KCNQ5: variants seen among roughly 807,000 people sequenced by gnomAD.
KCNQ5 encodes potassium voltage-gated channel subfamily KQT member 5.
In KCNQ5, 30 loss-of-function variants were observed where a neutral mutation model predicts 98.2. The observed-to-expected ratio is 0.31, with a 90% CI of 0.23 to 0.41. KCNQ5 has a LOEUF of 0.41. Among genes scored for constraint, KCNQ5 ranks in the 10% least tolerant of loss-of-function variants. The pLI, the probability that KCNQ5 is intolerant of heterozygous loss-of-function variation, is 1.00. For missense variants in KCNQ5, 835 were observed against 1,182.5 expected (o/e 0.71, Z 4.31); for synonymous variants, 458 against 449.4 (o/e 1.02, Z -0.24).
intron 1 of KCNQ5, among the ~76,000 whole-genome samples, chr6:72,758,500 G>A (rs1469087870): frequency 6.6e-6 from 1 of 152,096 alleles, no homozygotes; most frequent in Non-Finnish European, 1.5e-5. Flanking sequence ...AGAAGTGGGG[G>A]ATCAGGAGTA....
chr6:72,700,296 T>C (rs1340513694), intron 1 of KCNQ5, among the ~76,000 whole-genome samples: 2 of 84,770 alleles, frequency 2.4e-5, no homozygotes, highest in Non-Finnish European at 5.0e-5. Flanking sequence ...TATCTATATC[T>C]ATCTATCTAT....
chr6:72,847,808 A>G (rs2150139256), intron 1 of KCNQ5, among the ~76,000 whole-genome samples: 1 of 152,344 alleles, frequency 6.6e-6, no homozygotes, highest in South Asian at 2.1e-4. Context: ...GAAAGCTTCT[A>G]TCCTCTGCAC....
At chr6:73,158,253 G>GTTTTTTTTTTTGTTGTTTTTTTTTT (rs1562211876) in intron 10 of KCNQ5, 1 of 157,256 alleles carries the variant, frequency 6.4e-6, no homozygotes, top group Non-Finnish European at 1.4e-5. Context: ...AATTTTGGAA[G>GTTTTTTTTTTTGTTGTTTTTTTTTT]ATTTTTTTTT....
In KCNQ5 at chr6:72,682,052, A is replaced by G. The variant is rs113658733; in HGVS notation, c.398+59465A>G. ...GGTCCCAGCTTTCAAGTATGTGGAG[A>G]AAAGAGCCTCAGTAGAGTTATCTCT... On this transcript the variant is annotated intron_variant, in intron 1 of 13. Coordinates refer to ENST00000370398, the MANE Select transcript of KCNQ5 (RefSeq NM_019842.4). Among the ~76,000 whole-genome samples, 243 of 152,302 alleles carry G rather than the reference A, an allele frequency of 1.6e-3. 1 individual carries two copies. Among genetic ancestry groups the G allele is most frequent in the African/African-American group, 5.5e-3 (228 of 41,564 alleles).
chr6:73,172,293 G>A (rs1401836098), intron 11 of KCNQ5, among the ~76,000 whole-genome samples: 3 of 152,064 alleles, frequency 2.0e-5, no homozygotes, highest in Non-Finnish European at 4.4e-5. Context: ...AACCCAGGAG[G>A]CAGATGCTGC....
rs146570848 is a variant in KCNQ5 at position 72,631,815 on chromosome 6, GAGA to G, written c.398+9234_398+9236del. ...AAAATCAAGAGAGAATAAAGTTATA[GAGA>G]AGAAGTTTTTTTATCACAAATAATA... On this transcript the variant is annotated intron_variant, in intron 1 of 13. Coordinates refer to ENST00000370398, the MANE Select transcript of KCNQ5 (RefSeq NM_019842.4). 9.9e-3 allele frequency among the ~76,000 whole-genome samples: 1,508 copies of G among 152,274 alleles called. 23 individuals are homozygous for G. The highest frequency in any genetic ancestry group is 0.035 in the African/African-American group (1,443 of 41,572).
intron 1 of KCNQ5, among the ~76,000 whole-genome samples, chr6:72,890,669 C>A (rs982626471): frequency 6.0e-4 from 92 of 152,160 alleles, no homozygotes; most frequent in Middle Eastern, 3.4e-3. Flanking sequence ...TATTCTTGAT[C>A]GAAATAGATT....
At chr6:72,825,515 T>A (rs1367651230) in intron 1 of KCNQ5, among the ~76,000 whole-genome samples, 1 of 152,206 alleles carries the variant, frequency 6.6e-6, no homozygotes, top group African/African-American at 2.4e-5. Flanking sequence ...CAGGAACAGT[T>A]AGCTGGTGGT....
chr6:72,883,716 CTTATG>C (rs1562045140), intron 1 of KCNQ5, among the ~76,000 whole-genome samples: 2 of 152,236 alleles, frequency 1.3e-5, no homozygotes, highest in East Asian at 3.9e-4. Context: ...GCCGGAAAAT[CTTATG>C]CTGAAGCTCA....
At chr6:73,154,485 A>G (rs1463947009) in intron 10 of KCNQ5, among the ~76,000 whole-genome samples, 1 of 152,210 alleles carries the variant, frequency 6.6e-6, no homozygotes, top group Non-Finnish European at 1.5e-5. Flanking sequence ...TTGTTCCTGA[A>G]GAGAAAAACT....
At chr6:72,634,931 T>G (rs1040091554) in intron 1 of KCNQ5, among the ~76,000 whole-genome samples, 3 of 152,172 alleles carry the variant, frequency 2.0e-5, no homozygotes, top group African/African-American at 7.2e-5. Context: ...TATTTGAATG[T>G]TTTAACTTTA....
intron 3 of KCNQ5, among the ~76,000 whole-genome samples, chr6:73,045,613 C>A (rs567731073): frequency 6.6e-6 from 1 of 152,242 alleles, no homozygotes; most frequent in South Asian, 2.1e-4. Context: ...CCAATAACAT[C>A]GGCATAAAGA....
chr6:72,919,139 T>C (rs1158506664), intron 1 of KCNQ5, among the ~76,000 whole-genome samples: 1 of 152,202 alleles, frequency 6.6e-6, no homozygotes, highest in African/African-American at 2.4e-5. Flanking sequence ...TGATCGTTCA[T>C]GGCCAACCAA....
intron 1 of KCNQ5, among the ~76,000 whole-genome samples, chr6:72,995,361 T>C (rs1769242304): frequency 1.5e-5 from 2 of 136,826 alleles, no homozygotes; most frequent in South Asian, 2.2e-4. Flanking sequence ...AGAGCGAAAC[T>C]CTGTCTCAAA....
chr6:72,637,977 T>C (rs748412581), intron 1 of KCNQ5, among the ~76,000 whole-genome samples: 5 of 152,160 alleles, frequency 3.3e-5, no homozygotes, highest in Admixed American at 6.5e-5. Flanking sequence ...CATCAAGGAA[T>C]AAACAAAATG....
intron 1 of KCNQ5, among the ~76,000 whole-genome samples, chr6:72,836,970 T>C (rs1776532424): frequency 6.6e-6 from 1 of 152,182 alleles, no homozygotes; most frequent in African/African-American, 2.4e-5. Flanking sequence ...CTTTTTAACT[T>C]AATATATTGT....
At chr6:73,112,702 A>C (rs1019715709) in intron 7 of KCNQ5, among the ~76,000 whole-genome samples, 3 of 152,288 alleles carry the variant, frequency 2.0e-5, no homozygotes, top group Non-Finnish European at 4.4e-5. Context: ...GGTGGGAGAT[A>C]ACCACCACAA....
At chr6:72,649,134 C>T (rs1765750570) in intron 1 of KCNQ5, among the ~76,000 whole-genome samples, 1 of 152,100 alleles carries the variant, frequency 6.6e-6, no homozygotes, top group South Asian at 2.1e-4. Flanking sequence ...AACTGTGCAT[C>T]TATGGACAGC....
chr6:72,928,969 C>G (rs1015329586), intron 1 of KCNQ5, among the ~76,000 whole-genome samples: 1 of 152,078 alleles, frequency 6.6e-6, no homozygotes, highest in Non-Finnish European at 1.5e-5. Flanking sequence ...TTTAAAGACT[C>G]ACAAAGCATC....
Sources: gnomAD v4.1 joint callset for allele counts (sites outside exome capture counted in the v4.1 genomes callset) on GRCh38, gnomAD v4.1.1 for gene constraint, MANE v1.5 for transcripts, NCBI Gene and HGNC (gene_info 2026-07-23, HGNC 2026-07-21) for gene names.